Variants in CFAP92 observed in about 807,000 individuals in gnomAD.
CFAP92 encodes the protein cilia and flagella associated protein 92 (putative), also known as uncharacterized protein CFAP92.
Under a neutral mutation model 106.3 loss-of-function variants are expected in CFAP92, and 86 were observed. The observed-to-expected ratio is 0.81, with a 90% CI of 0.68 to 0.97. CFAP92 has a LOEUF of 0.97. Ranked by LOEUF, CFAP92 falls within the 50% of genes least tolerant of loss-of-function variation. The pLI is 0.00. For synonymous variants in CFAP92, 477 were observed against 506.4 expected (o/e 0.94, Z 0.78); for missense variants, 1,204 against 1,283.8 (o/e 0.94, Z 0.95).
intron 9 of CFAP92, among the ~76,000 whole-genome samples, chr3:128,962,113 C>T (rs1252069032): frequency 1.3e-5 from 2 of 152,208 alleles, no homozygotes; most frequent in South Asian, 2.1e-4. Context: ...CTCCCAGAGC[C>T]CCTGGAACTC....
intron 10 of CFAP92, among the ~76,000 whole-genome samples, chr3:128,944,070 C>T (rs1045321547): frequency 1.1e-4 from 17 of 151,806 alleles, no homozygotes; most frequent in Non-Finnish European, 2.4e-4. Flanking sequence ...GCTGTGATTA[C>T]AGGCATGAGC....
chr3:128,931,449 G>GTA (rs1938355591), intron 12 of CFAP92, among the ~76,000 whole-genome samples: 4 of 132,778 alleles, frequency 3.0e-5, no homozygotes, highest in African/African-American at 1.4e-4. Flanking sequence ...ATATATATAT[G>GTA]TGTGTATATA....
Position 128,915,129 on chromosome 3 carries a change from C to T in CFAP92, c.3270G>A (p.Lys1090=). Residue 1090 remains lysine, a synonymous_variant, in exon 15 of 16, where the codon AAG becomes AAA. Transcript: ENST00000645291. Reference sequence around the variant, plus strand: ...ACCCTTGCCTGTTACCTGTTACAGGCTTTGGTGCGGGCGAAGGGAGCAGCT... The same window carrying T: ...ACCCTTGCCTGTTACCTGTTACAGGTTTTGGTGCGGGCGAAGGGAGCAGCT... ...FLELLPSPAP[K]PVTVRKKKGN... 2 of 1,535,958 alleles carry T rather than the reference C, an allele frequency of 1.3e-6. No individual in the cohort carries two copies. Among genetic ancestry groups the T allele is most frequent in the Non-Finnish European group, 1.7e-6 (2 of 1,146,870 alleles).
intron 4 of CFAP92, among the ~76,000 whole-genome samples, chr3:128,984,525 C>T (rs538193268): frequency 3.3e-5 from 5 of 152,232 alleles, no homozygotes; most frequent in South Asian, 2.1e-4. Flanking sequence ...AGTGGTTTGC[C>T]GGGGGGCTCT....
At chr3:128,953,184 G>T (rs1246361498) in intron 9 of CFAP92, among the ~76,000 whole-genome samples, 1 of 152,150 alleles carries the variant, frequency 6.6e-6, no homozygotes, top group East Asian at 1.9e-4. Flanking sequence ...ACAGAGGAAA[G>T]AATCTGTAAA....
At position 128,976,980 on chromosome 3, in the gene CFAP92, G is replaced by T; in HGVS notation, c.895C>A (p.Gln299Lys). The T allele has an allele frequency of 6.2e-7, 1 of 1,612,748 alleles. No homozygotes were observed. The highest frequency in any genetic ancestry group is 1.1e-5 in the South Asian group (1 of 91,046). Residue 299 changes from glutamine to lysine, a missense_variant and splice_region_variant, in exon 6 of 16, where the codon CAA (glutamine) becomes AAA (lysine). By Grantham distance (53) the Gln-to-Lys change is moderately conservative. Transcript: ENST00000645291. ...SLKMDDSSTIQWSVSRTPTIS... is the reference protein window; with the variant it reads ...SLKMDDSSTIKWSVSRTPTIS... ...CCCAAAATATCGTTCAATCCTTACT[G>T]AATCGTGGAAGAATCGTCCATTTTG... is the stretch of plus-strand genomic sequence containing the variant.
intron 15 of CFAP92, among the ~76,000 whole-genome samples, chr3:128,910,553 A>G (rs143866451): frequency 4.9e-4 from 75 of 152,284 alleles, no homozygotes; most frequent in African/African-American, 1.7e-3. Context: ...AGAGATGTTG[A>G]GTCACTTGCT....
In CFAP92 at chr3:128,945,111, C is replaced by A; in HGVS notation, c.2218G>T (p.Asp740Tyr). 2 of 1,533,980 alleles carry A rather than the reference C, an allele frequency of 1.3e-6. No individual in the cohort carries two copies. Among genetic ancestry groups the A allele is most frequent in the South Asian group, 2.4e-5 (2 of 83,800 alleles). ...TCCCACAGCTGCCTCAAGCCTTGGT[C>A]GGCCAGGCCTTCCAGGATGAAAAGG... ...THLFILEGLA[D>Y]QGLRQLWENH... Residue 740 changes from aspartate to tyrosine, a missense_variant, in exon 10 of 16, where the codon GAC becomes TAC. Asp to Tyr is a radical substitution (Grantham distance 160). Coordinates refer to ENST00000645291, the MANE Select transcript of CFAP92 (RefSeq NM_001394090.1).
intron 12 of CFAP92, among the ~76,000 whole-genome samples, 165 bp from the exon 13 acceptor site, chr3:128,916,436 A>C (rs1364623531): frequency 6.6e-6 from 1 of 152,222 alleles, no homozygotes; most frequent in African/African-American, 2.4e-5. Context: ...CAAAGGGCCA[A>C]CTAGTCCAAC....
intron 4 of CFAP92, among the ~76,000 whole-genome samples, chr3:128,979,494 C>A (rs1157160083): frequency 6.6e-6 from 1 of 152,142 alleles, no homozygotes; most frequent in African/African-American, 2.4e-5. Flanking sequence ...GACACATGCA[C>A]ACGTATGTTT....
intron 12 of CFAP92, among the ~76,000 whole-genome samples, chr3:128,927,042 C>T (rs572285681): frequency 9.2e-5 from 14 of 151,694 alleles, no homozygotes; most frequent in South Asian, 6.3e-4. Context: ...TGCAGTGAGC[C>T]GAGATTGCAC....
At chr3:128,956,977 C>CAA (rs766884799) in intron 9 of CFAP92, among the ~76,000 whole-genome samples, 8 of 28,596 alleles carry the variant, frequency 2.8e-4, no homozygotes, top group African/African-American at 5.3e-4. Flanking sequence ...CAGACTCTCT[C>CAA]AAAAAAAAAA....
chr3:129,017,187 G>A, the CFAP92 span, among the ~76,000 whole-genome samples: 1 of 152,242 alleles, frequency 6.6e-6, no homozygotes, highest in Non-Finnish European at 1.5e-5. Context: ...CCAATCTGAA[G>A]GAAGCTTCAT....
chr3:128,994,490 C>T (rs557659048), upstream of CFAP92, among the ~76,000 whole-genome samples: 2 of 149,404 alleles, frequency 1.3e-5, no homozygotes. Flanking sequence ...CTTCTGTCGC[C>T]GATGTCCTTA....
At chr3:128,933,108 C>A in intron 11 of CFAP92, 111 bp from the exon 12 acceptor site, 1 of 1,011,576 alleles carries the variant, frequency 9.9e-7, no homozygotes, top group Non-Finnish European at 1.5e-6. Context: ...TAGCTGGTCC[C>A]AAGTCCTGGA....
intron 2 of CFAP92, 51 bp from the exon 3 acceptor site, chr3:128,988,969 A>C (rs967757615): frequency 7.1e-7 from 1 of 1,410,710 alleles, no homozygotes. Flanking sequence ...GTGGAAAAGC[A>C]GACCCGTCTC....
chr3:129,006,282 TAGTC>T (rs747134018), upstream of CFAP92, among the ~76,000 whole-genome samples: 15 of 152,232 alleles, frequency 9.9e-5, no homozygotes, highest in Non-Finnish European at 1.6e-4. Context: ...CTAGTCCTGT[TAGTC>T]AGTCCCAAAC....
At chr3:128,948,981 G>A (rs181292526) in intron 9 of CFAP92, among the ~76,000 whole-genome samples, 70 of 152,278 alleles carry the variant, frequency 4.6e-4, no homozygotes, top group African/African-American at 1.6e-3. Context: ...ATCATTATCC[G>A]TCAGGGAACT....
At chr3:128,964,201 G>A (rs548584025) in intron 9 of CFAP92, among the ~76,000 whole-genome samples, 6 of 152,232 alleles carry the variant, frequency 3.9e-5, no homozygotes, top group Admixed American at 6.5e-5. Flanking sequence ...AAAGTAGAAC[G>A]GACTAAAGGT....
Sources: allele counts gnomAD v4.1 joint callset (sites outside exome capture counted in the v4.1 genomes callset), GRCh38; gene constraint gnomAD v4.1.1; transcripts MANE v1.5; gene names NCBI Gene and HGNC (gene_info 2026-07-23, HGNC 2026-07-21).